The following PABPN1 variants were observed in gnomAD, a reference collection of about 807,000 sequenced individuals.
The protein encoded by PABPN1 is polyadenylate-binding protein 2.
Under a neutral mutation model 33.4 loss-of-function variants are expected in PABPN1, and 5 were observed. That is an observed-to-expected ratio of 0.15 (90% CI 0.08 to 0.32). The LOEUF is 0.32. Ranked by LOEUF, PABPN1 falls within the 10% of genes least tolerant of loss-of-function variation. The probability of loss-of-function intolerance (pLI) is 1.00; values close to 1 mark genes in which losing one functional copy is unlikely to be tolerated. For synonymous variants in PABPN1, 176 were observed against 170.6 expected, an observed-to-expected ratio of 1.03 and a Z score of -0.25; for missense variants, 312 against 425.8, an observed-to-expected ratio of 0.73 and a Z score of 2.35.
At position 23,323,282 on chromosome 14, in the gene PABPN1, C is replaced by G. The variant is rs895693418; in HGVS notation, c.535-95C>G. The G allele has an allele frequency of 2.9e-6, 4 of 1,369,874 alleles. No homozygotes were observed. The African/African-American group carries it at 5.7e-5, about 20-fold the overall frequency. The allele number at this position is 1,369,874 out of a possible 1,614,324, so 84.9% of individuals were successfully genotyped here. A position where few individuals can be genotyped will look rare whatever the true frequency, so the allele number is the denominator to read the frequency against. ...TCCTCAAATTACCAGATTTCATGTGCTTTGGTGTATGATGGCCCAGACCAA... is the reference window on the plus strand; with the variant it reads ...TCCTCAAATTACCAGATTTCATGTGGTTTGGTGTATGATGGCCCAGACCAA... On this transcript the variant is annotated intron_variant, in intron 3 of 6. Coordinates refer to ENST00000216727, the MANE Select transcript of PABPN1 (RefSeq NM_004643.4).
rs58264930 is a variant in PABPN1, at chr14:23,325,995, GTTTTTTTT to G, written c.*716_*723del. 3 of 141,676 alleles carry G rather than the reference GTTTTTTTT, an allele frequency of 2.1e-5. No individual in the cohort carries two copies. The highest frequency in any genetic ancestry group is 5.2e-5 in the African/African-American group (2 of 38,448). The allele number at this position is 141,676 out of a possible 1,614,324, so 8.8% of individuals were successfully genotyped here. On this transcript the variant is annotated 3_prime_UTR_variant, in exon 7 of 7. Coordinates refer to ENST00000216727, the MANE Select transcript of PABPN1 (RefSeq NM_004643.4). ...TGTTTTTCAGTTGTTTTGTTTTTTT[GTTTTTTTT>G]TTTTTTCCTTTGCCTTTTTTCCCTT...
At chr14:23,325,205 C>T in intron 6 of PABPN1, 42 bp from the exon 7 acceptor site, 1 of 1,613,414 alleles carries the variant, frequency 6.2e-7, no homozygotes, top group Non-Finnish European at 8.5e-7. Flanking sequence ...ACTGAACTAT[C>T]TAGTGATCAC....
At position 23,325,998 on chromosome 14, in the gene PABPN1, T is replaced by G. The variant is rs1888736568; in HGVS notation, c.*712T>G. ...TTTTCAGTTGTTTTGTTTTTTTGTT[T>G]TTTTTTTTTTTCCTTTGCCTTTTTT... On this transcript the variant is annotated 3_prime_UTR_variant, in exon 7 of 7. Transcript: ENST00000216727. 1 of 33,502 alleles carries G rather than the reference T, an allele frequency of 3.0e-5. No individual in the cohort carries two copies. Among genetic ancestry groups the G allele is most frequent in the African/African-American group, 1.8e-4 (1 of 5,492 alleles). The allele number at this position is 33,502 out of a possible 1,614,324, so 2.1% of individuals were successfully genotyped here.
intron 1 of PABPN1, 73 bp downstream of exon 1, chr14:23,321,893 A>C: frequency 4.4e-6 from 2 of 452,526 alleles, no homozygotes; most frequent in Non-Finnish European, 6.6e-6. Context: ...AGCTCGGGCG[A>C]GCGGGTGGCA....
At position 23,323,466 on chromosome 14, in the gene PABPN1, T is replaced by C; in HGVS notation, c.624T>C (p.Phe208=). The change falls in exon 4 of 7, where the codon TTT becomes TTC. Residue 208 remains phenylalanine (F), a synonymous_variant. Transcript: ENST00000216727. ...VNRVTILCDK[F]SGHPKGFAYI... ...GTGTTACCATACTGTGTGACAAATTTAGTGGCCATCCCAAAGGGTAAGTAA... is the reference window on the plus strand; with the variant it reads ...GTGTTACCATACTGTGTGACAAATTCAGTGGCCATCCCAAAGGGTAAGTAA... The C allele has an allele frequency of 2.5e-6, 4 of 1,614,198 alleles. No individual in the cohort carries two copies. The highest frequency in any genetic ancestry group is 2.2e-5 in the East Asian group (1 of 44,894).
chr14:23,321,460 C>T lies in PABPN1; in HGVS notation c.-10C>T. 8.7e-7 allele frequency: 1 copy of T among 1,150,318 alleles called. No individual in the cohort carries two copies. The highest frequency in any genetic ancestry group is 1.1e-6 in the Non-Finnish European group (1 of 937,376). The allele number at this position is 1,150,318 out of a possible 1,614,324, so 71.3% of individuals were successfully genotyped here. On this transcript the variant is annotated 5_prime_UTR_variant, in exon 1 of 7. Coordinates refer to ENST00000216727, the MANE Select transcript of PABPN1 (RefSeq NM_004643.4). ...CAATCGCCGGGCGGCGGGCCCCAGT[C>T]TGAGCGGCGATGGCGGCGGCGGCGG...
rs1408639932 is a variant in PABPN1, at chr14:23,324,225, T to C, written c.817T>C (p.Tyr273His). The C allele has an allele frequency of 6.2e-7, 1 of 1,613,984 alleles. No individual in the cohort carries two copies. The highest frequency in any genetic ancestry group is 8.5e-7 in the Non-Finnish European group (1 of 1,180,028). ...RARYRARTTN[Y>H]NSSRSRFYSG... ...CCGCTACCGCGCCCGGACCACCAAC[T>C]ACAACAGCTCCCGCTCTCGATTCTA... The change falls in exon 6 of 7, where the codon TAC (tyrosine) becomes CAC (histidine). Residue 273 changes from tyrosine (Y) to histidine (H), a missense_variant. Physicochemically the swap from Tyr to His is moderately conservative, Grantham distance 83. This residue lies in a region of PABPN1 where 68 missense variants were observed against 71.1 expected (regional missense o/e 0.96). Transcript: ENST00000216727.
chr14:23,322,266 A>G lies in PABPN1; in HGVS notation c.437A>G (p.Gln146Arg). The change falls in exon 2 of 7, where the codon CAG becomes CGG. Residue 146 changes from glutamine to arginine, a missense_variant. Physicochemically the swap from Gln to Arg is conservative, Grantham distance 43 (BLOSUM62 1). Around this residue, in one of 3 missense-constraint regions of PABPN1, gnomAD observed 77 missense variants for 185.7 expected, o/e 0.41. Coordinates refer to ENST00000216727, the MANE Select transcript of PABPN1 (RefSeq NM_004643.4). ...GAGCTACAGAACGAGGTAGAGAAGC[A>G]GATGAATATGAGTCCACCTCCAGGC... ...LKELQNEVEK[Q>R]MNMSPPPGNA... 6.2e-7 allele frequency: 1 copy of G among 1,608,376 alleles called. No homozygotes were observed. The highest frequency in any genetic ancestry group is 8.5e-7 in the Non-Finnish European group (1 of 1,177,328).
Position 23,325,566 on chromosome 14 carries a change from C to T in PABPN1, c.*280C>T, listed in dbSNP as rs1888689984. On this transcript the variant is annotated 3_prime_UTR_variant, in exon 7 of 7. Coordinates refer to ENST00000216727, the MANE Select transcript of PABPN1 (RefSeq NM_004643.4). ...CGTCTCAACTGCGCAAGCTGCTGCC[C>T]ATGTTTCCCTGCCCCACTTCACCCC... is the stretch of plus-strand genomic sequence containing the variant. 2.3e-6 allele frequency: 1 copy of T among 433,496 alleles called. No individual in the cohort carries two copies. The highest frequency in any genetic ancestry group is 4.1e-6 in the Non-Finnish European group (1 of 243,306). 26.9% of individuals were successfully genotyped at this position (433,496 alleles called of 1,614,324 possible). A position where few individuals can be genotyped will look rare whatever the true frequency, so the allele number is the denominator to read the frequency against.
chr14:23,322,726 C>A, intron 2 of PABPN1: 1 of 515,720 alleles, frequency 1.9e-6, no homozygotes, highest in South Asian at 2.2e-5. Flanking sequence ...AGCATTTCAA[C>A]CAAAGCCATT....
Position 23,322,836 on chromosome 14 carries a change from C to T in PABPN1, c.467-163C>T, listed in dbSNP as rs531167866. ...GAATATTTAGTGAGTACCTGCTATGCACTAGGCACTATTCTCGGTTGTGGG... is the reference window on the plus strand; with the variant it reads ...GAATATTTAGTGAGTACCTGCTATGTACTAGGCACTATTCTCGGTTGTGGG... On this transcript the variant is annotated intron_variant, in intron 2 of 6. Transcript: ENST00000216727. 5.9e-5 allele frequency: 46 copies of T among 783,740 alleles called. No individual in the cohort carries two copies. The South Asian group carries it at 6.3e-4, about 11-fold the overall frequency. 48.5% of individuals were successfully genotyped at this position (783,740 alleles called of 1,614,324 possible). A position where few individuals can be genotyped will look rare whatever the true frequency, so the allele number is the denominator to read the frequency against.
Position 23,325,359 on chromosome 14 carries a change from AAAAAG to A in PABPN1, c.*78_*82del, listed in dbSNP as rs1888672247. The A allele has an allele frequency of 6.6e-7, 1 of 1,518,872 alleles. No individual in the cohort carries two copies. Among genetic ancestry groups the A allele is most frequent in the Non-Finnish European group, 8.8e-7 (1 of 1,133,666 alleles). 94.1% of individuals were successfully genotyped at this position (1,518,872 alleles called of 1,614,324 possible). A position where few individuals can be genotyped will look rare whatever the true frequency, so the allele number is the denominator to read the frequency against. On this transcript the variant is annotated 3_prime_UTR_variant, in exon 7 of 7. Coordinates refer to ENST00000216727, the MANE Select transcript of PABPN1 (RefSeq NM_004643.4). ...GAAAAAAAAAAGAATTAAAAAAAAA[AAAAAG>A]AAAAACAGAAGATGACCTTGATGGA... is the stretch of plus-strand genomic sequence containing the variant.
At chr14:23,323,659 A>G (rs895630660) in intron 4 of PABPN1, among the ~76,000 whole-genome samples, 176 bp downstream of exon 4, 1 of 152,236 alleles carries the variant, frequency 6.6e-6, no homozygotes, top group East Asian at 1.9e-4. Context: ...CAGAGGCCAG[A>G]TAACAAAAAT....
chr14:23,324,321 C>T (rs111796577), intron 6 of PABPN1, 32 bp downstream of exon 6: 54 of 1,606,946 alleles, frequency 3.4e-5, no homozygotes, highest in African/African-American at 9.3e-5. Flanking sequence ...CTCTTTCCCC[C>T]GCCTCCCGTG....
At chr14:23,325,060 C>G (rs1888640357) in intron 6 of PABPN1, 187 bp from the exon 7 acceptor site, 2 of 703,558 alleles carry the variant, frequency 2.8e-6, no homozygotes, top group Non-Finnish European at 4.4e-6. Flanking sequence ...TGTTAAGCCC[C>G]CCTCCCCCTG....
rs1330923976 is a variant in PABPN1 at position 23,322,231 on chromosome 14, G to A, written c.402G>A (p.Glu134=). 6.2e-7 allele frequency: 1 copy of A among 1,611,078 alleles called. No homozygotes were observed. Among genetic ancestry groups the A allele is most frequent in the Non-Finnish European group, 8.5e-7 (1 of 1,178,666 alleles). The change falls in exon 2 of 7, where the codon GAG becomes GAA. Residue 134 remains glutamate, a synonymous_variant. Coordinates refer to ENST00000216727, the MANE Select transcript of PABPN1 (RefSeq NM_004643.4). ...TCAGGGAGATGGAGGAAGAAGCTGA[G>A]AAGCTAAAGGAGCTACAGAACGAGG... ...ARVREMEEEA[E]KLKELQNEVE...
At chr14:23,324,498 A>C in intron 6 of PABPN1, 1 of 645,180 alleles carries the variant, frequency 1.5e-6, no homozygotes, top group Middle Eastern at 4.2e-4. Context: ...ATTGGTGATA[A>C]GGGCTGCATC....
At chr14:23,322,327 G>A in intron 2 of PABPN1, 32 bp downstream of exon 2, 1 of 1,561,036 alleles carries the variant, frequency 6.4e-7, no homozygotes, top group East Asian at 2.4e-5. Flanking sequence ...GCGGAGCCCG[G>A]GTTCTCGGGT....
chr14:23,324,936 G>A (rs1220009696), intron 6 of PABPN1: 2 of 350,834 alleles, frequency 5.7e-6, no homozygotes, highest in Non-Finnish European at 1.0e-5. Context: ...ATTTGTGATG[G>A]CCTAGGGTTT....
Sources: allele counts gnomAD v4.1 joint callset (sites outside exome capture counted in the v4.1 genomes callset), GRCh38; gene constraint gnomAD v4.1.1; regional missense constraint gnomAD v4.1.1; transcripts MANE v1.5; gene names NCBI Gene and HGNC (gene_info 2026-07-23, HGNC 2026-07-21).